Variants in ATXN7 observed in about 807,000 individuals in gnomAD.
The protein encoded by ATXN7 is ataxin-7.
In ATXN7, 12 loss-of-function variants were observed where a neutral mutation model predicts 70.5. The observed-to-expected ratio is 0.17, with a 90% CI of 0.11 to 0.28. The LOEUF (loss-of-function observed/expected upper bound fraction) is 0.28, where lower values mean the gene tolerates loss of function less well. ATXN7 is among the 10% of genes least tolerant of loss of function. The pLI is 1.00. For missense variants in ATXN7, 1,256 were observed against 1,131.7 expected, an observed-to-expected ratio of 1.11 and a Z score of -1.58; for synonymous variants, 498 against 448.7, an observed-to-expected ratio of 1.11 and a Z score of -1.39.
chr3:63,872,028 T>A (rs2107202265), intron 1 of ATXN7, among the ~76,000 whole-genome samples: 1 of 152,354 alleles, frequency 6.6e-6, no homozygotes, highest in Non-Finnish European at 1.5e-5. Context: ...TTATTTTGGC[T>A]TTGGAGTATG....
intron 2 of ATXN7, among the ~76,000 whole-genome samples, chr3:63,903,221 C>T (rs1177017416): frequency 2.6e-5 from 4 of 151,732 alleles, no homozygotes; most frequent in Non-Finnish European, 4.4e-5. Flanking sequence ...GGTGAAACCC[C>T]GTCTCTATTA....
chr3:63,874,430 G>A (rs955599783), intron 1 of ATXN7, among the ~76,000 whole-genome samples: 2 of 152,238 alleles, frequency 1.3e-5, no homozygotes, highest in African/African-American at 4.8e-5. Context: ...TTGTAAGTAT[G>A]AGTTAAACCA....
In ATXN7 at chr3:63,907,456, CTTTTTTTTTTT is replaced by C. The variant is rs946462374; in HGVS notation, c.-11-5121_-11-5111del. Among the ~76,000 whole-genome samples, 7 of 116,630 alleles carry C rather than the reference CTTTTTTTTTTT, an allele frequency of 6.0e-5. No homozygotes were observed. The East Asian group carries it at 1.2e-3, about 20-fold the overall frequency. The allele number at this position is 116,630 out of a possible 152,430, so 76.5% of individuals were successfully genotyped here. ...TTGGTCCAACTTTTCCATTCCTTGT[CTTTTTTTTTTT>C]TTTTTTTTTTGTAACAGGGTCTTGT... On this transcript the variant is annotated intron_variant, in intron 2 of 12. Transcript: ENST00000674280.
At chr3:63,925,159 C>T (rs1243411803) in intron 4 of ATXN7, among the ~76,000 whole-genome samples, 1 of 152,096 alleles carries the variant, frequency 6.6e-6, no homozygotes, top group Non-Finnish European at 1.5e-5. Context: ...AGTTCATTCT[C>T]GTCATTTCTG....
intron 4 of ATXN7, among the ~76,000 whole-genome samples, chr3:63,920,642 G>A (rs1704474874): frequency 6.6e-6 from 1 of 151,720 alleles, no homozygotes; most frequent in African/African-American, 2.4e-5. Context: ...TACAACAGTC[G>A]GTGTGTTGTA....
chr3:63,956,452 A>G (rs147178017), intron 5 of ATXN7, among the ~76,000 whole-genome samples: 4 of 145,930 alleles, frequency 2.7e-5, no homozygotes, highest in African/African-American at 1.0e-4. Context: ...AAAAAGAGTA[A>G]GGTGTTTCTT....
At chr3:63,959,810 G>A (rs2075096945) in intron 5 of ATXN7, among the ~76,000 whole-genome samples, 1 of 152,124 alleles carries the variant, frequency 6.6e-6, no homozygotes, top group African/African-American at 2.4e-5. Context: ...TTTTATGAAT[G>A]TCTGTGCCTT....
intron 8 of ATXN7, among the ~76,000 whole-genome samples, chr3:63,985,751 C>A (rs375960642): frequency 6.6e-6 from 1 of 152,230 alleles, no homozygotes; most frequent in East Asian, 1.9e-4. Context: ...GTGCCTTCCA[C>A]GCGGAGAGAT....
chr3:63,863,796 G>C, upstream of ATXN7: 1 of 1,246,944 alleles, frequency 8.0e-7, no homozygotes, highest in Non-Finnish European at 1.0e-6. Context: ...CCCATGGCGT[G>C]CGCGGCGGCG....
At chr3:63,978,238 G>C (rs554064712) in intron 5 of ATXN7, among the ~76,000 whole-genome samples, 1 of 152,306 alleles carries the variant, frequency 6.6e-6, no homozygotes, top group Admixed American at 6.5e-5. Flanking sequence ...AGCTCCTTAC[G>C]TTATTCCAGT....
intron 6 of ATXN7, 72 bp from the exon 7 acceptor site, chr3:63,982,114 C>G (rs2106759701): frequency 3.7e-6 from 6 of 1,600,148 alleles, no homozygotes; most frequent in African/African-American, 1.3e-5. Flanking sequence ...ATCCTCATCC[C>G]TCTGGCTCAC....
At chr3:63,897,938 CTGT>C (rs1276679903) in intron 1 of ATXN7, among the ~76,000 whole-genome samples, 1 of 152,086 alleles carries the variant, frequency 6.6e-6, no homozygotes, top group African/African-American at 2.4e-5. Flanking sequence ...GAATTGTTAC[CTGT>C]TGAAGTATTA....
intron 5 of ATXN7, among the ~76,000 whole-genome samples, chr3:63,979,651 G>A (rs1268278641): frequency 6.6e-6 from 1 of 152,058 alleles, no homozygotes; most frequent in Non-Finnish European, 1.5e-5. Flanking sequence ...TCATGTTTAC[G>A]ATGGTTGTCT....
At chr3:63,990,606 T>C in intron 10 of ATXN7, 132 bp from the exon 11 acceptor site, 1 of 1,429,648 alleles carries the variant, frequency 7.0e-7, no homozygotes, top group South Asian at 1.2e-5. Context: ...GTCACTCTCA[T>C]GCTTCACAGC....
intron 4 of ATXN7, among the ~76,000 whole-genome samples, chr3:63,942,700 G>A (rs1427285783): frequency 6.6e-6 from 1 of 152,182 alleles, no homozygotes; most frequent in Non-Finnish European, 1.5e-5. Flanking sequence ...AGTGGCTAGT[G>A]TATCCCACTG....
At chr3:63,879,500 T>C (rs1246266260) in intron 1 of ATXN7, among the ~76,000 whole-genome samples, 1 of 151,668 alleles carries the variant, frequency 6.6e-6, no homozygotes, top group Non-Finnish European at 1.5e-5. Context: ...TTTTTTTTTT[T>C]TTTTTTAAAT....
chr3:63,996,496 CTG>C lies in ATXN7; in HGVS notation c.2661+16_2661+17del, dbSNP rs769883975. On this transcript the variant is annotated intron_variant, in intron 12 of 12. Transcript: ENST00000674280. ...CCTCCTTCATCAGGTAGGAAATGGACTGTGAGCCCCATGGGAATGCCCATTTC... is the reference window on the plus strand; with the variant it reads ...CCTCCTTCATCAGGTAGGAAATGGACTGAGCCCCATGGGAATGCCCATTTC... 21 of 1,611,934 alleles carry C rather than the reference CTG, an allele frequency of 1.3e-5. No individual in the cohort carries two copies. The Admixed American group carries it at 3.5e-4, about 27-fold the overall frequency.
chr3:63,902,405 A>T (rs1404298101), intron 2 of ATXN7, among the ~76,000 whole-genome samples: 1 of 152,108 alleles, frequency 6.6e-6, no homozygotes, highest in Non-Finnish European at 1.5e-5. Flanking sequence ...ACAGAGCGAG[A>T]CCCTGTCTCA....
intron 5 of ATXN7, chr3:63,967,632 T>C (rs905211827): frequency 5.8e-5 from 29 of 497,072 alleles, no homozygotes; most frequent in Non-Finnish European, 8.5e-5. Context: ...GTTAAACTTA[T>C]AAATTCCATC....
Sources: allele counts gnomAD v4.1 joint callset (sites outside exome capture counted in the v4.1 genomes callset), GRCh38; gene constraint gnomAD v4.1.1; transcripts MANE v1.5; gene names NCBI Gene and HGNC (gene_info 2026-07-23, HGNC 2026-07-21).